The following ZCCHC2 variants were observed in gnomAD, a reference collection of about 807,000 sequenced individuals.
ZCCHC2 encodes the protein zinc finger CCHC-type containing 2.
Under a neutral mutation model 103.6 loss-of-function variants are expected in ZCCHC2, and 39 were observed. The ratio of observed to expected loss-of-function variants is 0.38; its 90% confidence interval spans 0.29 to 0.49. The LOEUF (loss-of-function observed/expected upper bound fraction) is 0.49. ZCCHC2 is among the 20% of genes least tolerant of loss of function. The pLI is 0.96. For synonymous variants in ZCCHC2, 687 were observed against 608.9 expected (o/e 1.13, Z -1.89); for missense variants, 1,483 against 1,491.0 (o/e 0.99, Z 0.09).
chr18:62,555,055 T>C (rs1205649733), intron 5 of ZCCHC2, among the ~76,000 whole-genome samples: 1 of 152,220 alleles, frequency 6.6e-6, no homozygotes, highest in Non-Finnish European at 1.5e-5. Flanking sequence ...ATTTGTATGT[T>C]GAGCACCTAA....
chr18:62,533,872 CAA>C (rs35039729), intron 1 of ZCCHC2, among the ~76,000 whole-genome samples: 41 of 99,496 alleles, frequency 4.1e-4, no homozygotes, highest in African/African-American at 1.1e-3. Context: ...AACTCTGCCT[CAA>C]AAAAAAAAAA....
rs768964943 is a variant in ZCCHC2, at chr18:62,560,642, G to A, written c.1548G>A (p.Val516=). Residue 516 remains valine (V), a splice_region_variant and synonymous_variant, in exon 8 of 14, where the codon GTG becomes GTA. Coordinates refer to ENST00000269499, the MANE Select transcript of ZCCHC2 (RefSeq NM_017742.6). The stretch of plus-strand genomic sequence containing the variant: ...AGCATACTGGGAAAAGTCCCATTGT[G>A]AAGTAAGTATCCTCTTTCTAAAACA... ...HKKHTGKSPI[V]NNIGTSCSPL... 1 of 1,612,250 alleles carries A rather than the reference G, an allele frequency of 6.2e-7. No individual in the cohort carries two copies.
At position 62,523,376 on chromosome 18, in the gene ZCCHC2, G is replaced by GGGGGGGGGGGGCC; in HGVS notation, c.-49_-48insGGGGGGGGGGGCC. On this transcript the variant is annotated 5_prime_UTR_variant, in exon 1 of 14. Transcript: ENST00000269499. ...GCCTCGGCCCGTGCTCCACCTCGCG[G>GGGGGGGGGGGGCC]CCCCTCCCGCCCGCCCCCGCTCGCA... The GGGGGGGGGGGGCC allele has an allele frequency of 9.9e-7, 1 of 1,012,348 alleles. No individual in the cohort carries two copies. Among genetic ancestry groups the GGGGGGGGGGGGCC allele is most frequent in the Non-Finnish European group, 1.2e-6 (1 of 848,986 alleles). The allele number at this position is 1,012,348 out of a possible 1,614,324, so 62.7% of individuals were successfully genotyped here.
chr18:62,528,028 A>T (rs1348113613), intron 1 of ZCCHC2, among the ~76,000 whole-genome samples: 1 of 152,214 alleles, frequency 6.6e-6, no homozygotes, highest in African/African-American at 2.4e-5. Flanking sequence ...AGAAGCATAA[A>T]ATATGTAGAC....
At chr18:62,538,724 A>G (rs1915040663) in intron 1 of ZCCHC2, among the ~76,000 whole-genome samples, 1 of 152,214 alleles carries the variant, frequency 6.6e-6, no homozygotes, top group South Asian at 2.1e-4. Context: ...AAACAGAGCA[A>G]TTCATACTTA....
At chr18:62,570,080 T>A in intron 11 of ZCCHC2, 23 bp from the exon 12 acceptor site, 1 of 1,553,148 alleles carries the variant, frequency 6.4e-7, no homozygotes, top group East Asian at 2.3e-5. Context: ...CATGATTTTT[T>A]AAAATAGTGT....
downstream of ZCCHC2, among the ~76,000 whole-genome samples, chr18:62,580,087 T>C (rs564412984): frequency 1.3e-5 from 2 of 152,340 alleles, no homozygotes; most frequent in African/African-American, 4.8e-5. Context: ...ATATACCGTT[T>C]CTTTTTGTTT....
intron 1 of ZCCHC2, chr18:62,539,475 A>T (rs1915078561): frequency 4.3e-6 from 2 of 465,618 alleles, no homozygotes; most frequent in African/African-American, 2.0e-5. Context: ...GTCCCAAGAA[A>T]GCTAGGACAG....
At position 62,524,000 on chromosome 18, in the gene ZCCHC2, C is replaced by G. The variant is rs959253949; in HGVS notation, c.576C>G (p.His192Gln). 3 of 1,485,642 alleles carry G rather than the reference C, an allele frequency of 2.0e-6. No homozygotes were observed. In the African/African-American group the frequency reaches 4.3e-5, roughly 21 times the overall value. 92.0% of individuals were successfully genotyped at this position (1,485,642 alleles called of 1,614,324 possible). The part of the protein sequence containing the change: ...SENREAAGRL[H>Q]RLLPQVDSVL... Reference sequence around the variant, plus strand: ...ACCGGGAGGCCGCTGGCCGTCTGCACCGCCTGCTACCCCAGGTGGACTCGG... The same window carrying G: ...ACCGGGAGGCCGCTGGCCGTCTGCAGCGCCTGCTACCCCAGGTGGACTCGG... Residue 192 changes from histidine to glutamine, a missense_variant, in exon 1 of 14, where the codon CAC becomes CAG. Physicochemically the swap from His to Gln is conservative, Grantham distance 24 (BLOSUM62 0). Around this residue, in one of 3 missense-constraint regions of ZCCHC2, gnomAD observed 568 missense variants for 525.1 expected, o/e 1.08. Coordinates refer to ENST00000269499, the MANE Select transcript of ZCCHC2 (RefSeq NM_017742.6).
intron 5 of ZCCHC2, 38 bp downstream of exon 5, chr18:62,550,498 C>T: frequency 1.3e-6 from 2 of 1,534,576 alleles, no homozygotes; most frequent in Non-Finnish European, 1.8e-6. Flanking sequence ...GCAGCATACA[C>T]ACAGGACAAA....
Position 62,576,577 on chromosome 18 carries a change from T to A in ZCCHC2, c.3535T>A (p.Ter1179ArgextTer3). 6.2e-7 allele frequency: 1 copy of A among 1,613,552 alleles called. No individual in the cohort carries two copies. Among genetic ancestry groups the A allele is most frequent in the Admixed American group, 1.7e-5 (1 of 60,012 alleles). Residue 1179 changes from the stop codon to arginine, a stop_lost, in exon 14 of 14, where the codon TGA (stop) becomes AGA (arginine). Transcript: ENST00000269499. ...TAATGATACGTTGGATTCTGCAGAC[T>A]GAAACGAGTAAAGCTTGCCTACTTA... ...PSNDTLDSAD* is the reference protein window; with the variant it reads ...PSNDTLDSADR
intron 2 of ZCCHC2, among the ~76,000 whole-genome samples, chr18:62,540,052 T>G (rs945440405): frequency 6.6e-6 from 1 of 152,162 alleles, no homozygotes; most frequent in East Asian, 1.9e-4. Flanking sequence ...ATCTTAAACC[T>G]GGTTGCATGC....
rs1915904469 is a variant in ZCCHC2 at position 62,556,817 on chromosome 18, G to A, written c.1408+520G>A. Among the ~76,000 whole-genome samples the A allele has an allele frequency of 2.0e-5, 3 of 152,132 alleles. No individual in the cohort carries two copies. The South Asian group carries it at 6.2e-4, about 31-fold the overall frequency. On this transcript the variant is annotated intron_variant, in intron 6 of 13. Transcript: ENST00000269499. ...CAGTTAGGCCTTTCTTTCATGCACG[G>A]ACTATTAAAGGTAAACCCTCACTCT...
At chr18:62,566,413 G>A (rs11152349) in intron 11 of ZCCHC2, among the ~76,000 whole-genome samples, 50,391 of 152,068 alleles carry the variant, frequency 0.33, 8,898 homozygotes, top group East Asian at 0.75. Context: ...GCAGCTTAAC[G>A]GAGGAGGAAC....
chr18:62,532,606 T>G (rs1455862548), intron 1 of ZCCHC2, among the ~76,000 whole-genome samples: 1 of 152,246 alleles, frequency 6.6e-6, no homozygotes, highest in African/African-American at 2.4e-5. Context: ...TTCATGCCAT[T>G]GTCTCTTGTA....
chr18:62,554,631 A>G (rs1326768149), intron 5 of ZCCHC2, among the ~76,000 whole-genome samples: 1 of 152,116 alleles, frequency 6.6e-6, no homozygotes, highest in Non-Finnish European at 1.5e-5. Context: ...TAGTATTTGG[A>G]GTTATATCTG....
At position 62,523,570 on chromosome 18, in the gene ZCCHC2, C is replaced by CGCCGCT. The variant is rs1555783775; in HGVS notation, c.149_150insGCTGCC (p.Pro50_Ala51insLeuPro). On this transcript the variant is annotated inframe_insertion, in exon 1 of 14. Coordinates refer to ENST00000269499, the MANE Select transcript of ZCCHC2 (RefSeq NM_017742.6). ...TGCCGCCCCCCGCCGCCGCCGCCGC[C>CGCCGCT]GCCCGCGGGCCCGTCGCGGGGCCCT... 1 of 961,364 alleles carries CGCCGCT rather than the reference C, an allele frequency of 1.0e-6. No individual in the cohort carries two copies. Among genetic ancestry groups the CGCCGCT allele is most frequent in the Non-Finnish European group, 1.2e-6 (1 of 811,918 alleles). The allele number at this position is 961,364 out of a possible 1,614,324, so 59.6% of individuals were successfully genotyped here.
Position 62,523,868 on chromosome 18 carries a change from G to GGAGGCC in ZCCHC2, c.445_450dup (p.Glu149_Ala150dup). 1 of 1,543,920 alleles carries GGAGGCC rather than the reference G, an allele frequency of 6.5e-7. No individual in the cohort carries two copies. Among genetic ancestry groups the GGAGGCC allele is most frequent in the Non-Finnish European group, 8.7e-7 (1 of 1,146,094 alleles). On this transcript the variant is annotated inframe_insertion, in exon 1 of 14. Transcript: ENST00000269499. ...AGGACTACCACTACCTGCGCGACTC[G>GGAGGCC]GAGGCCAAGGCCAACGGCCTCTCGG...
chr18:62,556,922 G>A (rs1915908780), intron 6 of ZCCHC2, among the ~76,000 whole-genome samples: 2 of 152,294 alleles, frequency 1.3e-5, no homozygotes, highest in South Asian at 2.1e-4. Context: ...TGCTTGGTCT[G>A]AAATTCAGGC....
Sources: gnomAD v4.1 joint callset for allele counts (sites outside exome capture counted in the v4.1 genomes callset) on GRCh38, gnomAD v4.1.1 for gene constraint, gnomAD v4.1.1 regional missense constraint, MANE v1.5 for transcripts, NCBI Gene and HGNC (gene_info 2026-07-23, HGNC 2026-07-21) for gene names.